The following ADAMTSL1 variants were observed in gnomAD, a reference collection of about 807,000 sequenced individuals.
The protein encoded by ADAMTSL1 is ADAMTS-like protein 1.
In ADAMTSL1, 126 loss-of-function variants were observed where a neutral mutation model predicts 201.8. The observed-to-expected ratio is 0.62, with a 90% CI of 0.54 to 0.72. The LOEUF is 0.72. Ranked by LOEUF, ADAMTSL1 falls within the 30% of genes least tolerant of loss-of-function variation. ADAMTSL1 has a pLI of 0.00. For synonymous variants in ADAMTSL1, 1,121 were observed against 903.4 expected (o/e 1.24, Z -4.32); for missense variants, 2,679 against 2,277.8 (o/e 1.18, Z -3.59).
At chr9:18,649,154 A>G (rs1828023417) in intron 7 of ADAMTSL1, among the ~76,000 whole-genome samples, 1 of 152,026 alleles carries the variant, frequency 6.6e-6, no homozygotes, top group Admixed American at 6.6e-5. Flanking sequence ...TCCCTGACTG[A>G]TAACCTTTCT....
At chr9:18,236,082 C>G (rs903932393) in intron 2 of ADAMTSL1, among the ~76,000 whole-genome samples, 3 of 152,064 alleles carry the variant, frequency 2.0e-5, no homozygotes, top group Admixed American at 1.3e-4. Context: ...ATTTAAATTC[C>G]AAATAATCAG....
Position 18,504,768 on chromosome 9 carries a change from G to C in ADAMTSL1, c.64-61G>C, listed in dbSNP as rs1363500114. The C allele has an allele frequency of 1.2e-5, 19 of 1,613,172 alleles. No individual in the cohort carries two copies. In the East Asian group the frequency reaches 4.0e-4, roughly 34 times the overall value. ...ACACGTACAGGCCAGTCACATTTTA[G>C]AACACATGTTTCAGGGTTCCATGGG... On this transcript the variant is annotated intron_variant, in intron 1 of 28. Transcript: ENST00000380548.
intron 1 of ADAMTSL1, among the ~76,000 whole-genome samples, chr9:18,493,876 A>T (rs905386361): frequency 6.6e-6 from 1 of 152,218 alleles, no homozygotes; most frequent in East Asian, 1.9e-4. Flanking sequence ...ATGAATATTC[A>T]CTGAGACCGA....
Position 18,761,544 on chromosome 9 carries a change from C to T in ADAMTSL1, c.2217+8036C>T, listed in dbSNP as rs370790427. Reference sequence around the variant, plus strand: ...GCCCCTTACTGGAGATTTATCTCTTCATACTAGAATATTATTTTAAATGAT... The same window carrying T: ...GCCCCTTACTGGAGATTTATCTCTTTATACTAGAATATTATTTTAAATGAT... On this transcript the variant is annotated intron_variant, in intron 16 of 28. Transcript: ENST00000380548. Among the ~76,000 whole-genome samples, 70 of 152,160 alleles carry T rather than the reference C, an allele frequency of 4.6e-4. 1 individual carries two copies. The highest frequency in any genetic ancestry group is 1.7e-3 in the African/African-American group (69 of 41,520).
chr9:18,702,923 C>T (rs1355472887), intron 13 of ADAMTSL1, among the ~76,000 whole-genome samples: 9 of 151,870 alleles, frequency 5.9e-5, no homozygotes, highest in South Asian at 2.1e-4. Flanking sequence ...CCACCATGCC[C>T]GGCTAATTTT....
intron 1 of ADAMTSL1, among the ~76,000 whole-genome samples, chr9:17,943,783 TA>T (rs887567451): frequency 6.6e-6 from 1 of 151,994 alleles, no homozygotes; most frequent in African/African-American, 2.4e-5. Context: ...GGGTAATTTA[TA>T]AAAAAAGAGG....
chr9:18,160,662 C>A lies in ADAMTSL1; in HGVS notation c.88-3200C>A, dbSNP rs188821085. Among the ~76,000 whole-genome samples the A allele has an allele frequency of 2.7e-3, 402 of 147,806 alleles. 3 individuals are homozygous for A. The highest frequency in any genetic ancestry group is 9.3e-3 in the African/African-American group (381 of 40,758). On this transcript the variant is annotated intron_variant, in intron 1 of 29. Coordinates refer to the ADAMTSL1 transcript ENST00000680146. Reference sequence around the variant, plus strand: ...ATGGGAAATACAATTTTCTTTATTTCTTTTTTTAATTAATTAATTAATTAA... The same window carrying A: ...ATGGGAAATACAATTTTCTTTATTTATTTTTTTAATTAATTAATTAATTAA...
At chr9:18,521,503 G>A (rs952943559) in intron 2 of ADAMTSL1, among the ~76,000 whole-genome samples, 9 of 151,326 alleles carry the variant, frequency 5.9e-5, no homozygotes, top group African/African-American at 2.2e-4. Context: ...TTTATTCAAT[G>A]TTTATTAAAA....
In ADAMTSL1 at chr9:18,504,908, C is replaced by A; in HGVS notation, c.143C>A (p.Thr48Asn). 6.2e-7 allele frequency: 1 copy of A among 1,613,018 alleles called. No individual in the cohort carries two copies. The highest frequency in any genetic ancestry group is 8.5e-7 in the Non-Finnish European group (1 of 1,179,730). Residue 48 changes from threonine to asparagine, a missense_variant, in exon 2 of 29, where the codon ACC becomes AAC. Thr to Asn is a moderately conservative substitution (Grantham distance 65). Transcript: ENST00000380548. ...AWGPWSECSR[T>N]CGGGASYSLR... is the part of the protein sequence containing the mutation. ...GGCCCATGGAGTGAATGCTCACGCA[C>A]CTGCGGGGGTGGGGCCTCCTACTCT...
rs79461297 is a variant in ADAMTSL1, at chr9:18,789,007, G to A, written c.3678-6390G>A. On this transcript the variant is annotated intron_variant, in intron 19 of 28. Coordinates refer to ENST00000380548, the MANE Select transcript of ADAMTSL1 (RefSeq NM_001040272.6). Reference sequence around the variant, plus strand: ...GGTAGTTGCCAACCCAACGTGCTACGTGGCCTCACTTCTTGCTCCTCTTTT... The same window carrying A: ...GGTAGTTGCCAACCCAACGTGCTACATGGCCTCACTTCTTGCTCCTCTTTT... Among the ~76,000 whole-genome samples the A allele has an allele frequency of 5.1e-3, 774 of 152,146 alleles. 3 individuals carry two copies. Among genetic ancestry groups the A allele is most frequent in the South Asian group, 0.023 (109 of 4,816 alleles).
intron 1 of ADAMTSL1, among the ~76,000 whole-genome samples, chr9:18,492,543 G>T (rs1822318763): frequency 6.6e-6 from 1 of 152,118 alleles, no homozygotes; most frequent in African/African-American, 2.4e-5. Flanking sequence ...CAATTCTTAG[G>T]ACTGAAGCTG....
At chr9:18,161,824 G>A (rs548379093) in intron 1 of ADAMTSL1, among the ~76,000 whole-genome samples, 2 of 152,130 alleles carry the variant, frequency 1.3e-5, no homozygotes, top group South Asian at 2.1e-4. Flanking sequence ...CGTAGCAGGA[G>A]TAATTTAGGT....
intron 13 of ADAMTSL1, 170 bp from the exon 14 acceptor site, chr9:18,706,577 T>C (rs1355579238): frequency 4.8e-6 from 3 of 631,446 alleles, no homozygotes; most frequent in Non-Finnish European, 8.0e-6. Flanking sequence ...AGTGGCAAAA[T>C]CGCTTATGAA....
intron 14 of ADAMTSL1, among the ~76,000 whole-genome samples, chr9:18,712,428 A>C (rs1432902102): frequency 6.6e-6 from 1 of 151,730 alleles, no homozygotes; most frequent in African/African-American, 2.4e-5. Flanking sequence ...CTGAAAACCA[A>C]GGCTCCAGAA....
intron 2 of ADAMTSL1, among the ~76,000 whole-genome samples, chr9:18,461,674 C>G (rs1049992482): frequency 7.2e-5 from 11 of 152,046 alleles, no homozygotes; most frequent in South Asian, 2.1e-4. Flanking sequence ...CCTAACCTGT[C>G]CAGCGCAGAC....
intron 1 of ADAMTSL1, among the ~76,000 whole-genome samples, chr9:18,065,149 G>C (rs895468451): frequency 7.9e-5 from 12 of 151,848 alleles, no homozygotes; most frequent in African/African-American, 2.7e-4. Flanking sequence ...CTTTTTTCAT[G>C]TTTAACTCCA....
chr9:18,663,092 T>C (rs1256391223), intron 9 of ADAMTSL1, among the ~76,000 whole-genome samples: 2 of 152,166 alleles, frequency 1.3e-5, no homozygotes, highest in Non-Finnish European at 2.9e-5. Context: ...TGCAAATCAT[T>C]CTATTTTGAG....
At chr9:18,200,158 G>A (rs1282492803) in intron 2 of ADAMTSL1, among the ~76,000 whole-genome samples, 3 of 151,900 alleles carry the variant, frequency 2.0e-5, no homozygotes, top group African/African-American at 7.3e-5. Context: ...ATTTGGCTAG[G>A]CACAGTGGTT....
At chr9:18,809,483 C>T (rs559702295) in intron 20 of ADAMTSL1, among the ~76,000 whole-genome samples, 1 of 152,184 alleles carries the variant, frequency 6.6e-6, no homozygotes, top group South Asian at 2.1e-4. Flanking sequence ...GTACAAGGGA[C>T]GGTTGGTCAT....
Sources: gnomAD v4.1 joint callset for allele counts (sites outside exome capture counted in the v4.1 genomes callset) on GRCh38, gnomAD v4.1.1 for gene constraint, MANE v1.5 for transcripts, NCBI Gene and HGNC (gene_info 2026-07-23, HGNC 2026-07-21) for gene names.